The following SAXO1 variants were observed in gnomAD, a reference collection of about 807,000 sequenced individuals.
SAXO1 encodes stabilizer of axonemal microtubules 1.
A neutral mutation model predicts 17.5 loss-of-function variants in SAXO1; 21 were observed. That is an observed-to-expected ratio of 1.20 (90% CI 0.85 to 1.72). The LOEUF (loss-of-function observed/expected upper bound fraction) is 1.72, where lower values mean the gene tolerates loss of function less well. Among genes scored for constraint, SAXO1 ranks in the 40% most tolerant of loss-of-function variants. The pLI is 0.00. For synonymous variants in SAXO1, 274 were observed against 216.5 expected (o/e 1.27, Z -2.33); for missense variants, 843 against 596.0 (o/e 1.41, Z -4.32).
At chr9:18,959,661 C>T (rs544737568) in intron 1 of SAXO1, among the ~76,000 whole-genome samples, 21 of 152,036 alleles carry the variant, frequency 1.4e-4, no homozygotes, top group African/African-American at 5.1e-4. Flanking sequence ...ATTCCAGCTA[C>T]TTGCGAGGCT....
At chr9:18,948,509 G>A (rs1277059279) in intron 2 of SAXO1, among the ~76,000 whole-genome samples, 21 of 152,112 alleles carry the variant, frequency 1.4e-4, no homozygotes, top group Admixed American at 1.4e-3. Flanking sequence ...GGTATTTATT[G>A]TTACTCTGAC....
At chr9:18,993,154 C>A (rs781704191) in intron 1 of SAXO1, among the ~76,000 whole-genome samples, 1 of 151,228 alleles carries the variant, frequency 6.6e-6, no homozygotes, top group Non-Finnish European at 1.5e-5. Flanking sequence ...GCAGAGTGTA[C>A]AGGTATGTTA....
At chr9:19,005,380 G>C (rs941827533) in intron 1 of SAXO1, among the ~76,000 whole-genome samples, 5 of 151,974 alleles carry the variant, frequency 3.3e-5, no homozygotes, top group African/African-American at 1.2e-4. Flanking sequence ...TTTCAAAACT[G>C]ATTACAAAGC....
intron 1 of SAXO1, among the ~76,000 whole-genome samples, chr9:19,013,204 CTAAA>C (rs928878646): frequency 5.3e-5 from 8 of 152,174 alleles, no homozygotes; most frequent in African/African-American, 1.9e-4. Context: ...CGATGAAAGA[CTAAA>C]TAACAGCACA....
At chr9:19,046,024 G>GT (rs1836205446) in intron 1 of SAXO1, among the ~76,000 whole-genome samples, 1 of 146,428 alleles carries the variant, frequency 6.8e-6, no homozygotes, top group Admixed American at 6.9e-5. Flanking sequence ...GGAGGCGGAG[G>GT]TTGCGGTGAG....
Position 18,972,193 on chromosome 9 carries a change from T to C in SAXO1, c.39-21256A>G, listed in dbSNP as rs377053705. 7.2e-5 allele frequency among the ~76,000 whole-genome samples: 11 copies of C among 152,352 alleles called. No individual in the cohort carries two copies. In the East Asian group the frequency reaches 7.7e-4, roughly 11 times the overall value. On this transcript the variant is annotated intron_variant, in intron 1 of 3. Coordinates refer to ENST00000380534, the MANE Select transcript of SAXO1 (RefSeq NM_153707.4). Reference sequence around the variant, plus strand: ...AAAACAGGCAGATATACACATACAATGGGCATTCATTCCATTTTTTATTTC... The same window carrying C: ...AAAACAGGCAGATATACACATACAACGGGCATTCATTCCATTTTTTATTTC...
chr9:19,030,597 T>C (rs912804564), intron 1 of SAXO1, among the ~76,000 whole-genome samples: 4 of 152,044 alleles, frequency 2.6e-5, no homozygotes, highest in African/African-American at 9.7e-5. Context: ...TCCCAGCTAC[T>C]TGGGAGGCTG....
chr9:18,980,716 C>T (rs1250714895), intron 1 of SAXO1, among the ~76,000 whole-genome samples: 1 of 129,784 alleles, frequency 7.7e-6, no homozygotes, highest in Non-Finnish European at 1.5e-5. Context: ...TCCTATATGT[C>T]TTATAATATT....
chr9:18,938,830 G>GTGTGTGTGTGTA (rs60025974), intron 3 of SAXO1, among the ~76,000 whole-genome samples: 85,592 of 147,682 alleles, frequency 0.58, 24,700 homozygotes, highest in Admixed American at 0.62. Context: ...GCGTGTGTGT[G>GTGTGTGTGTGTA]TGTGTGTGTG....
In SAXO1 at chr9:19,027,571, C is replaced by T. The variant is rs141125947; in HGVS notation, c.38+5300G>A. ...GGGCCTGTAGGGCACAGACTAAGGC[C>T]ACCTTCCTAAAGCTGACTGGCCCCC... On this transcript the variant is annotated intron_variant, in intron 1 of 3. Transcript: ENST00000380534. 4.1e-4 allele frequency: 563 copies of T among 1,373,274 alleles called. No homozygotes were observed. In the African/African-American group the frequency reaches 7.2e-3, roughly 18 times the overall value. The allele number at this position is 1,373,274 out of a possible 1,614,324, so 85.1% of individuals were successfully genotyped here.
At chr9:18,979,555 G>A (rs1833286460) in intron 1 of SAXO1, among the ~76,000 whole-genome samples, 1 of 152,198 alleles carries the variant, frequency 6.6e-6, no homozygotes, top group Non-Finnish European at 1.5e-5. Context: ...ATATGCATGA[G>A]GCTGAAAGTC....
intron 1 of SAXO1, among the ~76,000 whole-genome samples, chr9:18,996,326 T>G (rs1242130846): frequency 6.6e-6 from 1 of 152,184 alleles, no homozygotes; most frequent in Admixed American, 6.5e-5. Flanking sequence ...AATGCATCAT[T>G]AGGCAATTTC....
In SAXO1 at chr9:19,016,393, G is replaced by A. The variant is rs773585482; in HGVS notation, c.38+16478C>T. On this transcript the variant is annotated intron_variant, in intron 1 of 3. Transcript: ENST00000380534. ...GGAGGTTGTAGTGAGCCGAGATTGC[G>A]CTACTGCACTCCAGCATGGGCGACA... is the stretch of plus-strand genomic sequence containing the variant. Among the ~76,000 whole-genome samples, 97 of 152,142 alleles carry A rather than the reference G, an allele frequency of 6.4e-4. 1 individual carries two copies. The highest frequency in any genetic ancestry group is 2.2e-3 in the Admixed American group (33 of 15,274).
chr9:18,977,951 A>G lies in SAXO1; in HGVS notation c.39-27014T>C, dbSNP rs143320523. Reference sequence around the variant, plus strand: ...GCGGAGGTTGCAGTGGGCCTAGATCATGCCACTGCACTTCAGCCTGGGTAA... The same window carrying G: ...GCGGAGGTTGCAGTGGGCCTAGATCGTGCCACTGCACTTCAGCCTGGGTAA... On this transcript the variant is annotated intron_variant, in intron 1 of 3. Transcript: ENST00000380534. Among the ~76,000 whole-genome samples, 530 of 144,004 alleles carry G rather than the reference A, an allele frequency of 3.7e-3. 3 individuals are homozygous for G. Among genetic ancestry groups the G allele is most frequent in the Middle Eastern group, 0.011 (3 of 274 alleles). 94.5% of individuals were successfully genotyped at this position (144,004 alleles called of 152,430 possible).
chr9:19,016,362 G>A (rs1471848161), intron 1 of SAXO1, among the ~76,000 whole-genome samples: 1 of 152,198 alleles, frequency 6.6e-6, no homozygotes, highest in Non-Finnish European at 1.5e-5. Flanking sequence ...CTTGAACCCA[G>A]GTGGCGGAGG....
In SAXO1 at chr9:19,030,900, T is replaced by C. The variant is rs112728722; in HGVS notation, c.38+1971A>G. On this transcript the variant is annotated intron_variant, in intron 1 of 3. Transcript: ENST00000380534. Reference sequence around the variant, plus strand: ...GGATCACCAAAGCACTTTGAGAAGATGAAAATGAAACTGGAATTCAGAAGA... The same window carrying C: ...GGATCACCAAAGCACTTTGAGAAGACGAAAATGAAACTGGAATTCAGAAGA... Among the ~76,000 whole-genome samples the C allele has an allele frequency of 7.8e-4, 118 of 151,870 alleles. 1 individual carries two copies. The highest frequency in any genetic ancestry group is 2.6e-3 in the African/African-American group (109 of 41,402).
At chr9:18,936,273 C>T (rs1831283801) in intron 3 of SAXO1, among the ~76,000 whole-genome samples, 1 of 152,174 alleles carries the variant, frequency 6.6e-6, no homozygotes, top group African/African-American at 2.4e-5. Context: ...TCTCCAAGAG[C>T]CATTAACGGC....
chr9:18,942,636 G>C (rs567926348), intron 2 of SAXO1, among the ~76,000 whole-genome samples: 1 of 152,214 alleles, frequency 6.6e-6, no homozygotes, highest in East Asian at 1.9e-4. Flanking sequence ...ATTGTTTCAG[G>C]GAGTACCAAA....
At chr9:18,965,294 C>G (rs1832670196) in intron 1 of SAXO1, among the ~76,000 whole-genome samples, 1 of 152,192 alleles carries the variant, frequency 6.6e-6, no homozygotes. Context: ...GGGCTGAGTT[C>G]AAGTCCTGAA....
Sources: allele counts gnomAD v4.1 joint callset (sites outside exome capture counted in the v4.1 genomes callset), GRCh38; gene constraint gnomAD v4.1.1; transcripts MANE v1.5; gene names NCBI Gene and HGNC (gene_info 2026-07-23, HGNC 2026-07-21).